Variants in DPM1 observed in about 807,000 individuals in gnomAD.
DPM1 encodes dolichyl-phosphate mannosyltransferase subunit 1, catalytic.
A neutral mutation model predicts 39.0 loss-of-function variants in DPM1; 27 were observed. The ratio of observed to expected loss-of-function variants is 0.69; its 90% CI spans 0.51 to 0.95. The LOEUF is 0.95. Ranked by LOEUF, DPM1 falls within the 40% of genes least tolerant of loss-of-function variation. The pLI, the probability that DPM1 is intolerant of heterozygous loss-of-function variation, is 0.00. For missense variants in DPM1, 307 were observed against 315.6 expected, an observed-to-expected ratio of 0.97 and a Z score of 0.21; for synonymous variants, 124 against 109.0, an observed-to-expected ratio of 1.14 and a Z score of -0.86.
chr20:50,941,109 C>G (rs1985691269), intron 6 of DPM1, 176 bp from the exon 7 acceptor site: 1 of 729,012 alleles, frequency 1.4e-6, no homozygotes, highest in African/African-American at 1.8e-5. Flanking sequence ...GGAGACCTGG[C>G]TAGGCGCGGT....
chr20:50,950,589 C>T (rs1474063183), intron 2 of DPM1, among the ~76,000 whole-genome samples: 1 of 152,124 alleles, frequency 6.6e-6, no homozygotes, highest in Non-Finnish European at 1.5e-5. Context: ...ATAACTTTGG[C>T]CAGATGCAGT....
In DPM1 at chr20:50,942,136, A is replaced by T; in HGVS notation, c.399-10T>A. On this transcript the variant is annotated splice_polypyrimidine_tract_variant and intron_variant, in intron 5 of 8. Coordinates refer to ENST00000371588, the MANE Select transcript of DPM1 (RefSeq NM_003859.3). ...ACCCTCCTTTTGCTTCCTGTAGAAT[A>T]AATTAGCTGTCAATTAGAAAAAGCC... 1 of 1,609,836 alleles carries T rather than the reference A, an allele frequency of 6.2e-7. No homozygotes were observed. Among genetic ancestry groups the T allele is most frequent in the Non-Finnish European group, 8.5e-7 (1 of 1,176,436 alleles).
chr20:50,947,171 G>A (rs1379504252), intron 3 of DPM1, among the ~76,000 whole-genome samples: 1 of 151,980 alleles, frequency 6.6e-6, no homozygotes, highest in African/African-American at 2.4e-5. Context: ...TCGCGTCATC[G>A]CACCCCAGCC....
intron 6 of DPM1, chr20:50,941,145 C>A: frequency 1.7e-6 from 1 of 587,728 alleles, no homozygotes; most frequent in South Asian, 2.1e-5. Context: ...TCCCAGGAGG[C>A]CAAGATGGCT....
chr20:50,945,284 TTGTGTGTGTGTGTGTGTGTGTG>T (rs11474633), intron 5 of DPM1: 50 of 156,998 alleles, frequency 3.2e-4, no homozygotes, highest in East Asian at 1.1e-3. Context: ...CAAATGTGTG[TTGTGTGTGTGTGTGTGTGTGTG>T]TGTGTGTGTG....
intron 2 of DPM1, among the ~76,000 whole-genome samples, chr20:50,952,882 G>GT (rs1986651410): frequency 6.6e-6 from 1 of 152,142 alleles, no homozygotes; most frequent in Non-Finnish European, 1.5e-5. Context: ...ACACAGCACG[G>GT]TGACTATAGT....
In DPM1 at chr20:50,958,506, G is replaced by A. The variant is rs141104808; in HGVS notation, c.18C>T (p.Val6=). The change falls in exon 1 of 9, where the codon GTC becomes GTT. Residue 6 remains valine (V), a synonymous_variant. Transcript: ENST00000371588. MASLE[V]SRSPRRSRRE... ...GCCGAGACCTGCGAGGACTACGACT[G>A]ACTTCCAAGGAGGCCATGGCGGAAC... is the stretch of plus-strand genomic sequence containing the variant. 42 of 1,613,830 alleles carry A rather than the reference G, an allele frequency of 2.6e-5. No homozygotes were observed. Among genetic ancestry groups the A allele is most frequent in the South Asian group, 9.9e-5 (9 of 91,070 alleles).
At chr20:50,941,077 T>C (rs1006771113) in intron 6 of DPM1, 144 bp from the exon 7 acceptor site, 15 of 939,076 alleles carry the variant, frequency 1.6e-5, no homozygotes, top group East Asian at 5.3e-5. Flanking sequence ...TAGAACAAAA[T>C]AGAAATTTTT....
At chr20:50,951,248 A>G (rs561665466) in intron 2 of DPM1, among the ~76,000 whole-genome samples, 4 of 152,340 alleles carry the variant, frequency 2.6e-5, no homozygotes, top group South Asian at 2.1e-4. Flanking sequence ...CAGAATCTTC[A>G]AAGGTTTATA....
Position 50,942,031 on chromosome 20 carries a change from C to G in DPM1, c.494G>C (p.Ser165Thr), listed in dbSNP as rs1555821731. 1.9e-6 allele frequency: 3 copies of G among 1,610,666 alleles called. No homozygotes were observed. The highest frequency in any genetic ancestry group is 2.5e-6 in the Non-Finnish European group (3 of 1,177,016). The stretch of plus-strand genomic sequence containing the variant: ...AAGAAGTTGTAACACATGTACCTAC[C>G]TGATTATTTTTCTTTTCAAATCCCA... ...YGWDLKRKII[S>T]RGANFLTQIL... The change falls in exon 6 of 9, where the codon AGC becomes ACC. Residue 165 changes from serine (S) to threonine (T), a missense_variant and splice_region_variant. Around this residue, in one of 3 missense-constraint regions of DPM1, gnomAD observed 31 missense variants for 58.0 expected, o/e 0.53. Coordinates refer to ENST00000371588, the MANE Select transcript of DPM1 (RefSeq NM_003859.3).
chr20:50,938,904 G>C (rs937688437), intron 7 of DPM1, among the ~76,000 whole-genome samples: 1 of 151,884 alleles, frequency 6.6e-6, no homozygotes, highest in Non-Finnish European at 1.5e-5. Flanking sequence ...TCTTGAACCT[G>C]GGAGGCGGAG....
chr20:50,954,063 C>T (rs1379329981), intron 2 of DPM1, among the ~76,000 whole-genome samples: 3 of 152,118 alleles, frequency 2.0e-5, no homozygotes, highest in Non-Finnish European at 4.4e-5. Context: ...CATGTAGTAA[C>T]ACAGTTCCTT....
At chr20:50,937,170 G>T (rs1311984134) in intron 7 of DPM1, among the ~76,000 whole-genome samples, 1 of 151,806 alleles carries the variant, frequency 6.6e-6, no homozygotes, top group African/African-American at 2.4e-5. Flanking sequence ...TCTCTTCAAA[G>T]TTAAGGCCAT....
chr20:50,953,925 T>A (rs1015849245), intron 2 of DPM1, among the ~76,000 whole-genome samples: 7 of 152,142 alleles, frequency 4.6e-5, no homozygotes, highest in African/African-American at 1.7e-4. Flanking sequence ...AGCCTGAAAA[T>A]TTGTCAACTT....
chr20:50,958,173 G>C (rs545086515), intron 1 of DPM1, among the ~76,000 whole-genome samples, 190 bp downstream of exon 1: 1 of 152,358 alleles, frequency 6.6e-6, no homozygotes, highest in South Asian at 2.1e-4. Context: ...GCAGGAATGA[G>C]AACCCAGGAC....
At chr20:50,942,862 C>T (rs1171693430) in intron 5 of DPM1, among the ~76,000 whole-genome samples, 2 of 152,114 alleles carry the variant, frequency 1.3e-5, no homozygotes, top group South Asian at 2.1e-4. Flanking sequence ...CATTTTGTGA[C>T]CTGGTTTCTG....
chr20:50,957,166 A>G (rs981254369), intron 1 of DPM1, among the ~76,000 whole-genome samples: 3 of 152,244 alleles, frequency 2.0e-5, no homozygotes, highest in Non-Finnish European at 2.9e-5. Flanking sequence ...GGGGCAAGGC[A>G]TATGAAGGCA....
intron 6 of DPM1, 88 bp downstream of exon 6, chr20:50,941,943 C>T (rs1985864790): frequency 2.6e-6 from 3 of 1,148,086 alleles, no homozygotes; most frequent in Non-Finnish European, 4.0e-6. Flanking sequence ...CCACAAATCC[C>T]GGGCAGCATG....
intron 8 of DPM1, 118 bp downstream of exon 8, chr20:50,936,030 A>T (rs1457952674): frequency 1.4e-6 from 1 of 728,152 alleles, no homozygotes; most frequent in African/African-American, 1.8e-5. Context: ...TATTCTAAAC[A>T]ACTAGAAGAC....
Sources: gnomAD v4.1 joint callset for allele counts (sites outside exome capture counted in the v4.1 genomes callset) on GRCh38, gnomAD v4.1.1 for gene constraint, gnomAD v4.1.1 regional missense constraint, MANE v1.5 for transcripts, NCBI Gene and HGNC (gene_info 2026-07-23, HGNC 2026-07-21) for gene names.